Variants in DIAPH3 observed in about 807,000 individuals in gnomAD.
The protein encoded by DIAPH3 is diaphanous related formin 3, also known as protein diaphanous homolog 3.
DIAPH3 carries 117 observed loss-of-function variants against 144.3 expected under a neutral mutation model. The ratio of observed to expected loss-of-function variants is 0.81; its 90% confidence interval spans 0.70 to 0.95. DIAPH3 has a LOEUF of 0.95. Among genes scored for constraint, DIAPH3 ranks in the 40% least tolerant of loss-of-function variants. The probability of loss-of-function intolerance (pLI) is 0.00; values close to 1 mark genes in which losing one functional copy is unlikely to be tolerated. For synonymous variants in DIAPH3, 519 were observed against 488.9 expected (o/e 1.06, Z -0.81); for missense variants, 1,421 against 1,412.7 (o/e 1.01, Z -0.09).
chr13:59,929,397 G>C (rs1293145537), intron 17 of DIAPH3, among the ~76,000 whole-genome samples: 1 of 151,796 alleles, frequency 6.6e-6, no homozygotes, highest in Admixed American at 6.6e-5. Context: ...TTAGTGTCTA[G>C]ATAAGTTATT....
In DIAPH3 at chr13:60,024,455, G is replaced by C. The variant is rs1407909011; in HGVS notation, c.627-8310C>G. Among the ~76,000 whole-genome samples, 9 of 152,078 alleles carry C rather than the reference G, an allele frequency of 5.9e-5. No individual in the cohort carries two copies. The South Asian group carries it at 1.9e-3, about 32-fold the overall frequency. On this transcript the variant is annotated intron_variant, in intron 5 of 27. Coordinates refer to ENST00000400324, the MANE Select transcript of DIAPH3 (RefSeq NM_001042517.2). ...AAGATTTACATTTGGTTCTTTAAAA[G>C]AAGAAATAGTTTCCTGTATTTCTTT...
At chr13:60,034,515 C>A (rs145592718) in intron 5 of DIAPH3, 1 of 152,316 alleles carries the variant, frequency 6.6e-6, no homozygotes, top group Non-Finnish European at 1.5e-5. Flanking sequence ...TGGCTATTCA[C>A]AAGCACAATC....
chr13:60,132,528 G>A (rs2059171168), intron 2 of DIAPH3, among the ~76,000 whole-genome samples: 1 of 151,986 alleles, frequency 6.6e-6, no homozygotes, highest in Non-Finnish European at 1.5e-5. Context: ...AACGTAGTAA[G>A]GCATACCCGG....
At chr13:59,799,476 A>C (rs562983770) in intron 25 of DIAPH3, among the ~76,000 whole-genome samples, 7 of 152,000 alleles carry the variant, frequency 4.6e-5, no homozygotes, top group Non-Finnish European at 8.8e-5. Flanking sequence ...CTCAGTCATA[A>C]ATTAAACTGC....
rs1406923430 is a variant in DIAPH3 at position 59,665,843 on chromosome 13, ACT to A, written c.*739_*740del. On this transcript the variant is annotated 3_prime_UTR_variant, in exon 28 of 28. Coordinates refer to ENST00000400324, the MANE Select transcript of DIAPH3 (RefSeq NM_001042517.2). ...GAGTCATAATTACAAGGGGAAAAAT[ACT>A]CTCTTAGCCAAGATCAAGAATTTCG... is the stretch of plus-strand genomic sequence containing the variant. 1 of 152,542 alleles carries A rather than the reference ACT, an allele frequency of 6.6e-6. No homozygotes were observed. The highest frequency in any genetic ancestry group is 1.5e-5 in the Non-Finnish European group (1 of 68,030). 9.4% of individuals were successfully genotyped at this position (152,542 alleles called of 1,614,324 possible).
At chr13:59,842,516 A>G (rs2042405632) in intron 22 of DIAPH3, among the ~76,000 whole-genome samples, 1 of 151,980 alleles carries the variant, frequency 6.6e-6, no homozygotes, top group Admixed American at 6.6e-5. Context: ...GTTAGTGCAG[A>G]CTCCATAAGT....
At position 59,881,266 on chromosome 13, in the gene DIAPH3, C is replaced by T. The variant is rs1449421263; in HGVS notation, c.2368-1798G>A. Reference sequence around the variant, plus strand: ...GTAACATGAATAATGCTCTATTACACTTAATATGTCCTTTAGAGCAGTCAG... The same window carrying T: ...GTAACATGAATAATGCTCTATTACATTTAATATGTCCTTTAGAGCAGTCAG... On this transcript the variant is annotated intron_variant, in intron 20 of 27. Transcript: ENST00000400324. 3.9e-5 allele frequency among the ~76,000 whole-genome samples: 6 copies of T among 151,950 alleles called. No individual in the cohort carries two copies. The East Asian group carries it at 1.2e-3, about 29-fold the overall frequency.
intron 15 of DIAPH3, among the ~76,000 whole-genome samples, chr13:59,971,467 A>G (rs1221958647): frequency 6.6e-6 from 1 of 152,156 alleles, no homozygotes; most frequent in Non-Finnish European, 1.5e-5. Context: ...AGATTTGAAA[A>G]TCAGTAGTCT....
intron 27 of DIAPH3, among the ~76,000 whole-genome samples, chr13:59,692,906 C>T (rs1352242878): frequency 1.3e-5 from 2 of 152,104 alleles, no homozygotes; most frequent in Non-Finnish European, 2.9e-5. Flanking sequence ...TCTTTAATCA[C>T]AGAGCTTACA....
chr13:59,800,329 A>G (rs1287328920), intron 25 of DIAPH3, among the ~76,000 whole-genome samples: 4 of 152,188 alleles, frequency 2.6e-5, no homozygotes. Context: ...TATCCTACTT[A>G]TATCAAAGTG....
intron 17 of DIAPH3, among the ~76,000 whole-genome samples, chr13:59,957,228 G>C (rs1477473869): frequency 6.6e-6 from 1 of 152,156 alleles, no homozygotes; most frequent in Admixed American, 6.5e-5. Flanking sequence ...TGGTTTGGCT[G>C]TATCTCCACC....
chr13:59,826,123 G>A (rs1593570187), intron 24 of DIAPH3, among the ~76,000 whole-genome samples: 1 of 152,018 alleles, frequency 6.6e-6, no homozygotes, highest in African/African-American at 2.4e-5. Flanking sequence ...ACTGGCACAA[G>A]ACAGGGATGC....
rs537645224 is a variant in DIAPH3, at chr13:59,790,201, T to C, written c.3164-15378A>G. Among the ~76,000 whole-genome samples the C allele has an allele frequency of 9.2e-5, 14 of 152,304 alleles. 1 individual carries two copies. The South Asian group carries it at 2.9e-3, about 32-fold the overall frequency. On this transcript the variant is annotated intron_variant, in intron 25 of 27. Transcript: ENST00000400324. ...TAAATCAGGGTGCTATGAAATTGCT[T>C]AATACTGAGGCAATAGAGGTGAAGA...
At chr13:60,007,985 G>A (rs2052988523) in intron 9 of DIAPH3, among the ~76,000 whole-genome samples, 1 of 152,090 alleles carries the variant, frequency 6.6e-6, no homozygotes, top group Non-Finnish European at 1.5e-5. Flanking sequence ...CTCATACAGG[G>A]AAATCTAATA....
At chr13:60,091,024 T>G (rs926112735) in intron 4 of DIAPH3, among the ~76,000 whole-genome samples, 1 of 152,222 alleles carries the variant, frequency 6.6e-6, no homozygotes, top group African/African-American at 2.4e-5. Context: ...CTTAAAATTA[T>G]GTTTATTATC....
intron 27 of DIAPH3, among the ~76,000 whole-genome samples, chr13:59,714,672 A>G (rs576705601): frequency 6.6e-6 from 1 of 152,246 alleles, no homozygotes; most frequent in South Asian, 2.1e-4. Flanking sequence ...TGCTTCTTCC[A>G]TCCATCCTGT....
chr13:60,108,544 TGCAATAA>T, intron 3 of DIAPH3, among the ~76,000 whole-genome samples: 1 of 151,668 alleles, frequency 6.6e-6, no homozygotes, highest in Admixed American at 6.6e-5. Flanking sequence ...AGACAGAAGT[TGCAATAA>T]GCCAAGATCA....
At chr13:59,884,951 A>G (rs1158941988) in intron 20 of DIAPH3, among the ~76,000 whole-genome samples, 2 of 152,202 alleles carry the variant, frequency 1.3e-5, no homozygotes, top group Non-Finnish European at 2.9e-5. Context: ...TACATATTTC[A>G]TAGGAGAAAG....
At chr13:59,704,306 C>T (rs1015891801) in intron 27 of DIAPH3, among the ~76,000 whole-genome samples, 4 of 152,342 alleles carry the variant, frequency 2.6e-5, no homozygotes, top group Admixed American at 1.3e-4. Flanking sequence ...GTCAATCTCT[C>T]GCCTTGGCAG....
Sources: gnomAD v4.1 joint callset for allele counts (sites outside exome capture counted in the v4.1 genomes callset) on GRCh38, gnomAD v4.1.1 for gene constraint, MANE v1.5 for transcripts, NCBI Gene and HGNC (gene_info 2026-07-23, HGNC 2026-07-21) for gene names.